The following CEP104 variants were observed in gnomAD, a reference collection of about 807,000 sequenced individuals.
CEP104 encodes centrosomal protein of 104 kDa.
CEP104 carries 84 observed loss-of-function variants against 113.3 expected under a neutral mutation model. That is an observed-to-expected ratio of 0.74 (90% CI 0.62 to 0.89). The LOEUF is 0.89. Among genes scored for constraint, CEP104 ranks in the 40% least tolerant of loss-of-function variants. The probability of loss-of-function intolerance (pLI) is 0.00; values close to 1 mark genes in which losing one functional copy is unlikely to be tolerated. For synonymous variants in CEP104, 378 were observed against 421.7 expected (o/e 0.90, Z 1.27); for missense variants, 1,053 against 1,156.6 (o/e 0.91, Z 1.30).
At chr1:3,817,932 G>C (rs1413956452) in intron 20 of CEP104, among the ~76,000 whole-genome samples, 1 of 152,238 alleles carries the variant, frequency 6.6e-6, no homozygotes, top group Non-Finnish European at 1.5e-5. Flanking sequence ...AAGCTGAGGT[G>C]CCGCAGCTGC....
At chr1:3,825,678 G>C in intron 18 of CEP104, 80 bp downstream of exon 18, 1 of 903,730 alleles carries the variant, frequency 1.1e-6, no homozygotes, top group Non-Finnish European at 1.8e-6. Context: ...TAAGACTTGG[G>C]ACAGCTTTTT....
Position 3,839,759 on chromosome 1 carries a change from G to A in CEP104, c.584C>T (p.Ser195Phe). 1 of 1,612,184 alleles carries A rather than the reference G, an allele frequency of 6.2e-7. No homozygotes were observed. The change falls in exon 7 of 22, where the codon TCT (serine) becomes TTT (phenylalanine). Residue 195 changes from serine to phenylalanine, a missense_variant. Transcript: ENST00000378230. ...ATCAAAAGCTAAGTCATCTAGCGGA[G>A]AGATATAGTCAGATTTCCTAAAGGG... ...GTYARKSDYI[S>F]PLDDLAFDMY...
At chr1:3,843,380 T>G in intron 6 of CEP104, 3 of 509,100 alleles carry the variant, frequency 5.9e-6, no homozygotes, top group Non-Finnish European at 7.0e-6. Context: ...TGTATAATTT[T>G]TTTTTTTTTT....
intron 9 of CEP104, 77 bp from the exon 10 acceptor site, chr1:3,836,769 G>GTAAGCCTGCCAGT: frequency 2.3e-6 from 3 of 1,286,290 alleles, no homozygotes; most frequent in Non-Finnish European, 3.3e-6. Flanking sequence ...CTCACTGGCA[G>GTAAGCCTGCCAGT]GCTTACTGCG....
At chr1:3,822,981 A>G in intron 20 of CEP104, 193 bp downstream of exon 20, 1 of 622,912 alleles carries the variant, frequency 1.6e-6, no homozygotes, top group Non-Finnish European at 2.9e-6. Flanking sequence ...AATGTACGGA[A>G]GGAAATCATG....
intron 15 of CEP104, among the ~76,000 whole-genome samples, chr1:3,828,790 G>A (rs889062471): frequency 2.0e-5 from 3 of 152,114 alleles, no homozygotes; most frequent in Non-Finnish European, 4.4e-5. Context: ...GGCTGAAGAG[G>A]AACACATTTA....
chr1:3,826,717 T>C lies in CEP104; in HGVS notation c.2179A>G (p.Lys727Glu), dbSNP rs1570784091. 2 of 1,614,174 alleles carry C rather than the reference T, an allele frequency of 1.2e-6. No homozygotes were observed. The highest frequency in any genetic ancestry group is 8.5e-7 in the Non-Finnish European group (1 of 1,179,996). ...CCAATTCTTTACATACCCTGATTCT[T>C]TGGCTTCACAGCATCACTTTCTTTT... ...QEKESDAVKPKNQDIQGGKAA... is the reference protein window; with the variant it reads ...QEKESDAVKPENQDIQGGKAA... Residue 727 changes from lysine to glutamate, a missense_variant, in exon 16 of 22, where the codon AAG becomes GAG. By Grantham distance (56) the Lys-to-Glu change is moderately conservative. Coordinates refer to ENST00000378230, the MANE Select transcript of CEP104 (RefSeq NM_014704.4).
chr1:3,839,510 C>A lies in CEP104; in HGVS notation c.735+98G>T, dbSNP rs2298225. 0.022 allele frequency: 25,304 copies of A among 1,134,124 alleles called. 606 individuals are homozygous for A. The highest frequency in any genetic ancestry group is 0.11 in the East Asian group (4,840 of 42,230). 70.3% of individuals were successfully genotyped at this position (1,134,124 alleles called of 1,614,324 possible). ...CTTTGAACTCACACTAACTTCACGG[C>A]TTTTAGTAACTGGTTTCTTTTACCA... On this transcript the variant is annotated intron_variant, in intron 7 of 21. Transcript: ENST00000378230.
chr1:3,831,688 A>T (rs1016519306), intron 12 of CEP104, among the ~76,000 whole-genome samples: 1 of 152,250 alleles, frequency 6.6e-6, no homozygotes, highest in South Asian at 2.1e-4. Context: ...TGTAAGTACC[A>T]TTACATATTT....
chr1:3,829,708 C>T (rs1570791750), intron 14 of CEP104, 83 bp downstream of exon 14: 1 of 1,413,752 alleles, frequency 7.1e-7, no homozygotes, highest in East Asian at 2.3e-5. Context: ...CTTCAAATGA[C>T]ATATTTACTT....
intron 12 of CEP104, among the ~76,000 whole-genome samples, chr1:3,832,395 TG>T (rs1644228967): frequency 1.9e-4 from 12 of 63,298 alleles, no homozygotes; most frequent in South Asian, 4.1e-4. Context: ...GCGTAGGTCG[TG>T]ACCAGGAGTG....
At chr1:3,821,152 G>T (rs1200835858) in intron 20 of CEP104, among the ~76,000 whole-genome samples, 1 of 152,252 alleles carries the variant, frequency 6.6e-6, no homozygotes. Flanking sequence ...TCTGTGCCCA[G>T]ATGGCTGATT....
chr1:3,848,164 T>A lies in CEP104; in HGVS notation c.287+444A>T, dbSNP rs372337992. Reference sequence around the variant, plus strand: ...AAGCACATTCAATAAGAGGCAGGTGTTAAGAAACTGTGTACTCTTGAACCA... The same window carrying A: ...AAGCACATTCAATAAGAGGCAGGTGATAAGAAACTGTGTACTCTTGAACCA... On this transcript the variant is annotated intron_variant, in intron 3 of 21. Transcript: ENST00000378230. Among the ~76,000 whole-genome samples the A allele has an allele frequency of 2.5e-4, 38 of 152,150 alleles. 3 individuals carry two copies. In the East Asian group the frequency reaches 3.7e-3, roughly 15 times the overall value.
intron 6 of CEP104, among the ~76,000 whole-genome samples, chr1:3,844,581 C>A (rs959372716): frequency 2.6e-5 from 4 of 151,218 alleles, no homozygotes; most frequent in Non-Finnish European, 5.9e-5. Context: ...ACCTGTAATC[C>A]CAGCTACTCA....
At chr1:3,836,167 G>A (rs1461150249) in intron 10 of CEP104, among the ~76,000 whole-genome samples, 2 of 152,112 alleles carry the variant, frequency 1.3e-5, no homozygotes, top group African/African-American at 2.4e-5. Flanking sequence ...TTAGCCAGGC[G>A]TGGTGGCGGG....
In CEP104 at chr1:3,823,189, G is replaced by A. The variant is rs766978766; in HGVS notation, c.2556C>T (p.Phe852=). The change falls in exon 20 of 22, where the codon TTC becomes TTT. Residue 852 remains phenylalanine, a synonymous_variant. Coordinates refer to ENST00000378230, the MANE Select transcript of CEP104 (RefSeq NM_014704.4). The surrounding 1 kb of genome is among the most constrained non-coding windows in gnomAD (Gnocchi z 4.1). ...GGCCCCTCACCTCTTCTCCAGGGCT[G>A]AAGTTCTCATGACACAGGGGACACC... ...ANRCPLCHEN[F]SPGEEAWKAH... The A allele has an allele frequency of 3.7e-6, 6 of 1,614,206 alleles. No homozygotes were observed. The Admixed American group carries it at 1.0e-4, about 27-fold the overall frequency.
intron 21 of CEP104, 85 bp downstream of exon 21, chr1:3,816,195 A>T: frequency 8.5e-7 from 1 of 1,181,916 alleles, no homozygotes; most frequent in Non-Finnish European, 1.2e-6. Flanking sequence ...GGGTCTTGCC[A>T]TGTTGCCCTG....
At chr1:3,835,130 A>G (rs1249870405) in intron 10 of CEP104, 38 bp from the exon 11 acceptor site, 4 of 1,586,954 alleles carry the variant, frequency 2.5e-6, no homozygotes, top group Non-Finnish European at 3.4e-6. Flanking sequence ...GCATCACACA[A>G]CCATCCTCCA....
Position 3,823,481 on chromosome 1 carries a change from T to C in CEP104, c.2446A>G (p.Ser816Gly). 6.2e-7 allele frequency: 1 copy of C among 1,614,226 alleles called. No individual in the cohort carries two copies. Among genetic ancestry groups the C allele is most frequent in the South Asian group, 1.1e-5 (1 of 91,088 alleles). ...AGCTCTTCCTTGAAAACAGCCTCAC[T>C]GCAACGGTAACACTTTCCAAACCCG... Reference protein sequence around the residue: ...KDGFGKCYRCSEAVFKEELPR... With the variant: ...KDGFGKCYRCGEAVFKEELPR... Residue 816 changes from serine (S) to glycine (G), a missense_variant, in exon 19 of 22, where the codon AGT (serine) becomes GGT (glycine). Ser to Gly is a moderately conservative substitution (Grantham distance 56). Transcript: ENST00000378230. This position sits in a 1 kb window ranked among gnomAD's most constrained non-coding sequence, Gnocchi z 4.1.
Sources: allele counts gnomAD v4.1 joint callset (sites outside exome capture counted in the v4.1 genomes callset), GRCh38; gene constraint gnomAD v4.1.1; non-coding constraint Gnocchi (gnomAD v3.1); transcripts MANE v1.5; gene names NCBI Gene and HGNC (gene_info 2026-07-23, HGNC 2026-07-21).